Variants in ZFYVE26 observed in about 807,000 individuals in gnomAD.
ZFYVE26 encodes zinc finger FYVE-type containing 26.
Under a neutral mutation model 276.5 loss-of-function variants are expected in ZFYVE26, and 181 were observed. That is an observed-to-expected ratio of 0.65 (90% confidence interval 0.58 to 0.74). The LOEUF is 0.74. ZFYVE26 is among the 30% of genes least tolerant of loss of function. The pLI is 0.00. For synonymous variants in ZFYVE26, 1,129 were observed against 1,203.1 expected (o/e 0.94, Z 1.27); for missense variants, 2,821 against 3,097.9 (o/e 0.91, Z 2.12).
intron 41 of ZFYVE26, 35 bp from the exon 42 acceptor site, chr14:67,748,674 T>A: frequency 6.2e-7 from 1 of 1,609,390 alleles, no homozygotes; most frequent in Non-Finnish European, 8.5e-7. Context: ...CGGAAAGGCA[T>A]CCATCACCGA....
At chr14:67,786,346 G>C in intron 16 of ZFYVE26, 113 bp from the exon 17 acceptor site, 1 of 1,334,742 alleles carries the variant, frequency 7.5e-7, no homozygotes, top group Non-Finnish European at 1.0e-6. Flanking sequence ...CAATATTAAG[G>C]AGGAAATACA....
chr14:67,761,740 G>T (rs2038935426), intron 34 of ZFYVE26, 156 bp from the exon 35 acceptor site: 4 of 652,082 alleles, frequency 6.1e-6, no homozygotes, highest in Non-Finnish European at 1.1e-5. Flanking sequence ...ATGTACCCTA[G>T]AACTTAAAGT....
intron 10 of ZFYVE26, 49 bp downstream of exon 10, chr14:67,802,030 G>A (rs370916383): frequency 1.6e-4 from 259 of 1,599,740 alleles, no homozygotes; most frequent in Admixed American, 2.5e-4. Flanking sequence ...AGCACCCACT[G>A]GCATGTGTTG....
intron 13 of ZFYVE26, among the ~76,000 whole-genome samples, chr14:67,731,137 T>C (rs1487226328): frequency 1.3e-5 from 2 of 151,940 alleles, no homozygotes; most frequent in Admixed American, 6.6e-5. Context: ...ACATTTTAAA[T>C]GTAGCTGCTA....
intron 21 of ZFYVE26, among the ~76,000 whole-genome samples, chr14:67,782,202 C>G (rs146166768): frequency 6.6e-6 from 1 of 152,338 alleles, no homozygotes; most frequent in East Asian, 1.9e-4. Context: ...AGTGTTACAG[C>G]TCATTGGCTT....
chr14:67,798,615 T>C lies in ZFYVE26; in HGVS notation c.1647A>G (p.Ala549=). 6.2e-7 allele frequency: 1 copy of C among 1,613,728 alleles called. No homozygotes were observed. The highest frequency in any genetic ancestry group is 8.5e-7 in the Non-Finnish European group (1 of 1,180,026). Residue 549 remains alanine (A), a synonymous_variant, in exon 11 of 42, where the codon GCA becomes GCG. Transcript: ENST00000347230. The part of the protein sequence containing the change: ...ANDSLSSPGA[A]NLFSTYLARC... ...TGGCCAGGTAAGTTGAGAAGAGATT[T>C]GCAGCACCTACAAAAACATGTACAA...
rs772591592 is a variant in ZFYVE26 at position 67,797,693 on chromosome 14, G to A, written c.2311C>T (p.Arg771Trp). Residue 771 changes from arginine (R) to tryptophan (W), a missense_variant, in exon 12 of 42, where the codon CGG (arginine) becomes TGG (tryptophan). Coordinates refer to ENST00000347230, the MANE Select transcript of ZFYVE26 (RefSeq NM_015346.4). ...TTACCTGCCTGGCTCCTTCTTGTCC[G>A]ACGACCCCGGCGGAGACTGGGGTGA... ...TRHPSLRRGR[R>W]TRRSQADGRD... is the part of the protein sequence containing the mutation. 9.9e-6 allele frequency: 16 copies of A among 1,614,026 alleles called. No individual in the cohort carries two copies. Among genetic ancestry groups the A allele is most frequent in the Middle Eastern group, 1.6e-4 (1 of 6,084 alleles).
At chr14:67,805,726 C>T in intron 6 of ZFYVE26, 108 bp from the exon 7 acceptor site, 1 of 1,336,896 alleles carries the variant, frequency 7.5e-7, no homozygotes, top group East Asian at 2.4e-5. Flanking sequence ...AGGGAGATTT[C>T]TGACAATAAC....
At chr14:67,742,736 G>A (rs943589978), downstream of ZFYVE26, among the ~76,000 whole-genome samples, 3 of 151,472 alleles carry the variant, frequency 2.0e-5, no homozygotes, top group Admixed American at 6.6e-5. Context: ...GCAGGTACTT[G>A]AATGTTTTCA....
At chr14:67,782,026 C>CA (rs1266960837) in intron 21 of ZFYVE26, among the ~76,000 whole-genome samples, 1 of 152,132 alleles carries the variant, frequency 6.6e-6, no homozygotes, top group Non-Finnish European at 1.5e-5. Context: ...CTTGGAGATA[C>CA]AAAAAACAGA....
rs745754548 is a variant in ZFYVE26, at chr14:67,805,447, G to C, written c.1182+7C>G. On this transcript the variant is annotated splice_region_variant and intron_variant, in intron 7 of 41. Transcript: ENST00000347230. ...CAGAGCAGCCTGGGATGCTGAGTGAGAGTTACCTGGGTCCTGTGCAGGGTC... is the reference window on the plus strand; with the variant it reads ...CAGAGCAGCCTGGGATGCTGAGTGACAGTTACCTGGGTCCTGTGCAGGGTC... 1.2e-6 allele frequency: 2 copies of C among 1,614,176 alleles called. No individual in the cohort carries two copies. Among genetic ancestry groups the C allele is most frequent in the South Asian group, 2.2e-5 (2 of 91,084 alleles).
intron 23 of ZFYVE26, 60 bp downstream of exon 23, chr14:67,780,181 G>A: frequency 7.0e-7 from 1 of 1,434,712 alleles, no homozygotes; most frequent in African/African-American, 1.4e-5. Context: ...TATACAGCCA[G>A]CTAAGGGGTT....
chr14:67,767,973 CT>C, intron 30 of ZFYVE26, 133 bp from the exon 31 acceptor site: 1 of 1,259,402 alleles, frequency 7.9e-7, no homozygotes, highest in South Asian at 1.3e-5. Flanking sequence ...TCCTTGGTTC[CT>C]TTTGTTTGCT....
rs201267729 is a variant in ZFYVE26 at position 67,814,520 on chromosome 14, A to AAAACAAAC, written c.195-464_195-457dup. On this transcript the variant is annotated intron_variant, in intron 2 of 41. Coordinates refer to ENST00000347230, the MANE Select transcript of ZFYVE26 (RefSeq NM_015346.4). ...GGTGACAGAGCAAGACTCTGTCTCCAAAACAAACAAACAAACAAACAAACA... is the reference window on the plus strand; with the variant it reads ...GGTGACAGAGCAAGACTCTGTCTCCAAAACAAACAAACAAACAAACAAACAAACAAACA... 9.4e-3 allele frequency among the ~76,000 whole-genome samples: 1,415 copies of AAAACAAAC among 151,118 alleles called. 18 individuals are homozygous for AAAACAAAC. Among genetic ancestry groups the AAAACAAAC allele is most frequent in the African/African-American group, 0.026 (1,042 of 40,750 alleles).
In ZFYVE26 at chr14:67,753,775, G is replaced by A. The variant is rs2140182683; in HGVS notation, c.7129-9C>T. 4 of 1,610,364 alleles carry A rather than the reference G, an allele frequency of 2.5e-6. No individual in the cohort carries two copies. Among genetic ancestry groups the A allele is most frequent in the Non-Finnish European group, 3.4e-6 (4 of 1,178,476 alleles). The stretch of plus-strand genomic sequence containing the variant: ...TTCCCTCCCAGCATGACCTGAAAAG[G>A]AAAGGGAATCATGCTTAAAAACATG... On this transcript the variant is annotated splice_polypyrimidine_tract_variant and intron_variant, in intron 38 of 41. Coordinates refer to ENST00000347230, the MANE Select transcript of ZFYVE26 (RefSeq NM_015346.4).
rs1449957510 is a variant in ZFYVE26 at position 67,748,502 on chromosome 14, G to C, written c.7554C>G (p.Asp2518Glu). 1 of 1,613,678 alleles carries C rather than the reference G, an allele frequency of 6.2e-7. No individual in the cohort carries two copies. Among genetic ancestry groups the C allele is most frequent in the African/African-American group, 1.3e-5 (1 of 74,940 alleles). The change falls in exon 42 of 42, where the codon GAC becomes GAG. Residue 2518 changes from aspartate (D) to glutamate (E), a missense_variant. By Grantham distance (45) the Asp-to-Glu change is conservative. Coordinates refer to ENST00000347230, the MANE Select transcript of ZFYVE26 (RefSeq NM_015346.4). Reference protein sequence around the residue: ...AKSSGDAVVQDICAQWLLTSH... With the variant: ...AKSSGDAVVQEICAQWLLTSH... Reference sequence around the variant, plus strand: ...TTGTCAGAAGCCACTGGGCACAGATGTCTTGCACTACTGCATCCCCGCTGC... The same window carrying C: ...TTGTCAGAAGCCACTGGGCACAGATCTCTTGCACTACTGCATCCCCGCTGC...
chr14:67,790,731 C>A lies in ZFYVE26; in HGVS notation c.2596G>T (p.Glu866Ter). ...FNLKSSPSSGELMFMERYQEV... is the reference protein window; with the variant it reads ...FNLKSSPSSG ...TGGTAGCGCTCCATGAACATCAGTT[C>A]CCCTGAACTGGGTGAGGACTTCAGG... Residue 866 changes from glutamate to a stop codon, truncating the protein, a stop_gained, in exon 15 of 42, where the codon GAA becomes TAA. Transcript: ENST00000347230. LOFTEE classifies it high-confidence loss of function. The A allele has an allele frequency of 1.2e-6, 2 of 1,614,172 alleles. No individual in the cohort carries two copies. The highest frequency in any genetic ancestry group is 1.1e-5 in the South Asian group (1 of 91,058).
rs2039566046 is a variant in ZFYVE26 at position 67,783,519 on chromosome 14, T to G, written c.3633A>C (p.Ala1211=). Residue 1211 remains alanine, a synonymous_variant, in exon 21 of 42, where the codon GCA becomes GCC. Transcript: ENST00000347230. ...FERQVPPERL[A]ALLAQENLSL... ...TGAGATTCTCTTGGGCCAGAAGGGC[T>G]GCCAGTCTGGAAGGAGAGAAGCAGA... 6.2e-7 allele frequency: 1 copy of G among 1,612,704 alleles called. No homozygotes were observed. Among genetic ancestry groups the G allele is most frequent in the African/African-American group, 1.3e-5 (1 of 74,914 alleles).
chr14:67,790,514 C>G, intron 15 of ZFYVE26, 58 bp downstream of exon 15: 1 of 1,582,262 alleles, frequency 6.3e-7, no homozygotes, highest in Non-Finnish European at 8.7e-7. Flanking sequence ...TGGTTTCTCC[C>G]CTTTTACCCC....
Sources: allele counts gnomAD v4.1 joint callset (sites outside exome capture counted in the v4.1 genomes callset), GRCh38; gene constraint gnomAD v4.1.1; transcripts MANE v1.5; gene names NCBI Gene and HGNC (gene_info 2026-07-23, HGNC 2026-07-21).